The following EPS15L1 variants were observed in gnomAD, a reference collection of about 807,000 sequenced individuals.
EPS15L1 encodes the protein epidermal growth factor receptor substrate 15-like 1.
A neutral mutation model predicts 117.1 loss-of-function variants in EPS15L1; 43 were observed. The ratio of observed to expected loss-of-function variants is 0.37; its 90% CI spans 0.29 to 0.47. The LOEUF is 0.47. EPS15L1 is among the 20% of genes least tolerant of loss of function. The pLI, the probability that EPS15L1 is intolerant of heterozygous loss-of-function variation, is 0.99. For missense variants in EPS15L1, 981 were observed against 1,164.0 expected, an observed-to-expected ratio of 0.84 and a Z score of 2.29; for synonymous variants, 459 against 470.5, an observed-to-expected ratio of 0.98 and a Z score of 0.32.
intron 16 of EPS15L1, chr19:16,401,971 C>A: frequency 9.5e-7 from 1 of 1,050,528 alleles, no homozygotes; most frequent in Non-Finnish European, 1.1e-6. Context: ...GTGGGGTTTC[C>A]ACAATGAGCA....
At chr19:16,359,938 T>A (rs1599515485) in intron 23 of EPS15L1, among the ~76,000 whole-genome samples, 1 of 150,902 alleles carries the variant, frequency 6.6e-6, no homozygotes, top group Non-Finnish European at 1.5e-5. Context: ...CAGGCCTGGG[T>A]GGAATTTGCT....
chr19:16,427,234 G>T (rs926248840), intron 8 of EPS15L1, among the ~76,000 whole-genome samples: 5 of 152,158 alleles, frequency 3.3e-5, no homozygotes, highest in African/African-American at 7.2e-5. Flanking sequence ...TGCAGCAAGG[G>T]TGTTCACGTC....
intron 20 of EPS15L1, among the ~76,000 whole-genome samples, 196 bp downstream of exon 20, chr19:16,385,975 C>T (rs2092416893): frequency 6.6e-6 from 1 of 152,204 alleles, no homozygotes; most frequent in Non-Finnish European, 1.5e-5. Context: ...GGAAAGATGC[C>T]AGCGCGTGCC....
At chr19:16,453,272 A>G (rs1486544784) in intron 1 of EPS15L1, among the ~76,000 whole-genome samples, 1 of 151,554 alleles carries the variant, frequency 6.6e-6, no homozygotes, top group Non-Finnish European at 1.5e-5. Context: ...GCTAATTACT[A>G]TTTTTTATTT....
intron 8 of EPS15L1, among the ~76,000 whole-genome samples, chr19:16,427,759 T>C (rs956912563): frequency 1.3e-5 from 2 of 152,120 alleles, no homozygotes; most frequent in Admixed American, 6.6e-5. Context: ...CTGGCTGTGA[T>C]GGAGTGCACC....
Position 16,355,709 on chromosome 19 carries a change from G to T in EPS15L1, c.2729C>A (p.Ala910Asp). The T allele has an allele frequency of 6.5e-7, 1 of 1,535,646 alleles. No homozygotes were observed. The highest frequency in any genetic ancestry group is 1.4e-5 in the African/African-American group (1 of 73,166). The change falls in exon 24 of 24, where the codon GCC becomes GAC. Residue 910 changes from alanine (A) to aspartate (D), a missense_variant. Transcript: ENST00000455140. ...CCGCCTACACACGGCCCTCGCCTAGGCGGCAGGCATGTCAGCCTTGCTGAG... is the reference window on the plus strand; with the variant it reads ...CCGCCTACACACGGCCCTCGCCTAGTCGGCAGGCATGTCAGCCTTGCTGAG... ...IALSKADMPAA is the reference protein window; with the variant it reads ...IALSKADMPAD
chr19:16,419,668 C>G (rs565137681), intron 10 of EPS15L1, among the ~76,000 whole-genome samples: 1 of 152,356 alleles, frequency 6.6e-6, no homozygotes, highest in African/African-American at 2.4e-5. Context: ...TGGGACCGTT[C>G]TAACAGACTT....
chr19:16,421,263 A>AC, intron 10 of EPS15L1, 56 bp downstream of exon 10: 1 of 1,556,374 alleles, frequency 6.4e-7, no homozygotes, highest in South Asian at 1.2e-5. Flanking sequence ...CACAGTCTTC[A>AC]CCCACAGGCC....
chr19:16,405,237 G>A lies in EPS15L1; in HGVS notation c.1267-488C>T, dbSNP rs1303916209. On this transcript the variant is annotated intron_variant, in intron 13 of 23. Coordinates refer to ENST00000455140, the MANE Select transcript of EPS15L1 (RefSeq NM_001258374.3). This position sits in a 1 kb window ranked among gnomAD's most constrained non-coding sequence, Gnocchi z 4.0. Reference sequence around the variant, plus strand: ...TGAAGAGCCAGGGACAGAGCCTGGCGGAGGGAACCACAGGGACCCCAGGGT... The same window carrying A: ...TGAAGAGCCAGGGACAGAGCCTGGCAGAGGGAACCACAGGGACCCCAGGGT... Among the ~76,000 whole-genome samples the A allele has an allele frequency of 2.6e-5, 4 of 152,168 alleles. No homozygotes were observed. The highest frequency in any genetic ancestry group is 2.1e-4 in the South Asian group (1 of 4,834).
chr19:16,441,015 G>A (rs1435879115), intron 3 of EPS15L1, 106 bp from the exon 4 acceptor site: 26 of 1,066,178 alleles, frequency 2.4e-5, no homozygotes, highest in Non-Finnish European at 7.3e-6. Context: ...CGGGGCAGGA[G>A]TGACTGTCCC....
chr19:16,468,191 G>A (rs2145211646), intron 1 of EPS15L1, among the ~76,000 whole-genome samples: 1 of 152,256 alleles, frequency 6.6e-6, no homozygotes, highest in East Asian at 1.9e-4. Context: ...GTCCTTCAGG[G>A]CAGGCAGCAT....
intron 5 of EPS15L1, 110 bp downstream of exon 5, chr19:16,437,660 G>A: frequency 1.3e-6 from 1 of 756,810 alleles, no homozygotes; most frequent in Non-Finnish European, 2.3e-6. Flanking sequence ...CAATAAAAGG[G>A]GAAGGCTAGA....
At chr19:16,362,303 G>T (rs912312964) in intron 22 of EPS15L1, among the ~76,000 whole-genome samples, 1 of 151,614 alleles carries the variant, frequency 6.6e-6, no homozygotes, top group Non-Finnish European at 1.5e-5. Flanking sequence ...ATTTTAGCAT[G>T]GCAACACATT....
rs137871930 is a variant in EPS15L1, at chr19:16,423,183, T to C, written c.793-1707A>G. Among the ~76,000 whole-genome samples the C allele has an allele frequency of 1.1e-3, 165 of 152,296 alleles. 2 individuals are homozygous for C. The highest frequency in any genetic ancestry group is 3.6e-3 in the African/African-American group (151 of 41,554). On this transcript the variant is annotated intron_variant, in intron 9 of 23. Coordinates refer to ENST00000455140, the MANE Select transcript of EPS15L1 (RefSeq NM_001258374.3). Reference sequence around the variant, plus strand: ...CAAGCTTGGGAAACAAGGGATACCATGTGACCCAGATCAGCTTAGTTCAGG... The same window carrying C: ...CAAGCTTGGGAAACAAGGGATACCACGTGACCCAGATCAGCTTAGTTCAGG...
intron 16 of EPS15L1, 53 bp downstream of exon 16, chr19:16,402,261 TTCTGCTG>T: frequency 6.5e-7 from 1 of 1,528,164 alleles, no homozygotes; most frequent in African/African-American, 1.4e-5. Context: ...GGGTGGGATG[TTCTGCTG>T]TCACACCAGG....
chr19:16,465,529 A>G (rs974103388), intron 1 of EPS15L1, among the ~76,000 whole-genome samples: 1 of 152,164 alleles, frequency 6.6e-6, no homozygotes. Flanking sequence ...CAAAAAAATT[A>G]AAAATTAGCC....
chr19:16,374,216 A>G (rs1370803760), intron 22 of EPS15L1, among the ~76,000 whole-genome samples: 1 of 152,198 alleles, frequency 6.6e-6, no homozygotes, highest in Admixed American at 6.5e-5. Context: ...GGAAATGGGC[A>G]TGGCCTGGCC....
chr19:16,430,919 G>C (rs919883806), intron 7 of EPS15L1, among the ~76,000 whole-genome samples: 2 of 152,206 alleles, frequency 1.3e-5, no homozygotes, highest in Admixed American at 6.5e-5. Context: ...AGGGACATGG[G>C]TGCATAGATG....
intron 19 of EPS15L1, among the ~76,000 whole-genome samples, chr19:16,389,349 G>A (rs1301008858): frequency 6.6e-6 from 1 of 152,082 alleles, no homozygotes; most frequent in Non-Finnish European, 1.5e-5. Context: ...AGCAACTTGG[G>A]AGGATGAGGT....
Sources: allele counts gnomAD v4.1 joint callset (sites outside exome capture counted in the v4.1 genomes callset), GRCh38; gene constraint gnomAD v4.1.1; non-coding constraint Gnocchi (gnomAD v3.1); transcripts MANE v1.5; gene names NCBI Gene and HGNC (gene_info 2026-07-23, HGNC 2026-07-21).